KCNC1: variants seen among roughly 807,000 people sequenced by gnomAD.
The protein encoded by KCNC1 is voltage-gated potassium channel KCNC1.
In KCNC1, 8 loss-of-function variants were observed where a neutral mutation model predicts 43.4. The observed-to-expected ratio is 0.18, with a 90% CI of 0.11 to 0.33. The LOEUF (loss-of-function observed/expected upper bound fraction) is 0.33, where lower values mean the gene tolerates loss of function less well. Ranked by LOEUF, KCNC1 falls within the 10% of genes least tolerant of loss-of-function variation. The probability of loss-of-function intolerance (pLI) is 1.00; values close to 1 mark genes in which losing one functional copy is unlikely to be tolerated. For synonymous variants in KCNC1, 361 were observed against 360.5 expected (o/e 1.00, Z -0.01); for missense variants, 420 against 836.0 (o/e 0.50, Z 6.14).
At chr11:17,746,978 A>C (rs1848906530) in intron 1 of KCNC1, among the ~76,000 whole-genome samples, 1 of 152,154 alleles carries the variant, frequency 6.6e-6, no homozygotes, top group South Asian at 2.1e-4. Context: ...AGAACATAGT[A>C]AGTGCTTAAT....
In KCNC1 at chr11:17,779,392, T is replaced by G; in HGVS notation, c.1505-64T>G. The stretch of plus-strand genomic sequence containing the variant: ...CTGCCAATACCCCGCTTCTGGCCTG[T>G]CCCCCCCTGCCCCCCACTAAACAGT... On this transcript the variant is annotated intron_variant, in intron 2 of 3. Transcript: ENST00000265969. This position sits in a 1 kb window ranked among gnomAD's most constrained non-coding sequence, Gnocchi z 7.2. 1 of 1,333,908 alleles carries G rather than the reference T, an allele frequency of 7.5e-7. No individual in the cohort carries two copies. The highest frequency in any genetic ancestry group is 9.8e-7 in the Non-Finnish European group (1 of 1,016,204). 82.6% of individuals were successfully genotyped at this position (1,333,908 alleles called of 1,614,324 possible).
chr11:17,743,268 G>A (rs116396683), intron 1 of KCNC1, among the ~76,000 whole-genome samples: 2,495 of 152,302 alleles, frequency 0.016, 35 homozygotes, highest in Non-Finnish European at 0.02. Context: ...TCTGTCTGAC[G>A]CTGGAGCTCT....
chr11:17,758,018 G>A (rs758137548), intron 1 of KCNC1, among the ~76,000 whole-genome samples: 1 of 152,206 alleles, frequency 6.6e-6, no homozygotes, highest in Non-Finnish European at 1.5e-5. Context: ...TGTAGCATGT[G>A]ATGCTGTTTG....
intron 1 of KCNC1, among the ~76,000 whole-genome samples, chr11:17,750,655 C>T (rs978973348): frequency 2.0e-5 from 3 of 152,188 alleles, no homozygotes; most frequent in African/African-American, 7.2e-5. Context: ...ACCCTGGGCC[C>T]CAATGTGCAT....
At chr11:17,748,548 A>G (rs1848928553) in intron 1 of KCNC1, among the ~76,000 whole-genome samples, 1 of 152,200 alleles carries the variant, frequency 6.6e-6, no homozygotes, top group South Asian at 2.1e-4. Context: ...ACCCACCATT[A>G]TGCATGTAAT....
chr11:17,751,821 ACC>A (rs1848971783), intron 1 of KCNC1, among the ~76,000 whole-genome samples: 1 of 152,110 alleles, frequency 6.6e-6, no homozygotes, highest in Admixed American at 6.5e-5. Flanking sequence ...TGCCCTTTGA[ACC>A]CTAGGCTGTG....
At chr11:17,758,987 C>T (rs1565158899) in intron 1 of KCNC1, among the ~76,000 whole-genome samples, 1 of 152,230 alleles carries the variant, frequency 6.6e-6, no homozygotes, top group Non-Finnish European at 1.5e-5. Context: ...CTTCTTCTCT[C>T]TAGCTATGAA....
rs767321731 is a variant in KCNC1 at position 17,772,631 on chromosome 11, C to G, written c.1504+33C>G. On this transcript the variant is annotated intron_variant, in intron 2 of 3. Coordinates refer to ENST00000265969, the MANE Select transcript of KCNC1 (RefSeq NM_001112741.2). ...ACCTCTTAGAGGCATGTCGATCTGA[C>G]CTTTCACCTCTGCCCCCTGTAGCGA... 10 of 1,602,276 alleles carry G rather than the reference C, an allele frequency of 6.2e-6. No homozygotes were observed. In the South Asian group the frequency reaches 1.1e-4, roughly 18 times the overall value.
chr11:17,763,495 C>A (rs952512866), intron 1 of KCNC1, among the ~76,000 whole-genome samples: 2 of 151,560 alleles, frequency 1.3e-5, no homozygotes, highest in South Asian at 2.1e-4. Context: ...GCACTGCCCC[C>A]CACACACACT....
At position 17,735,036 on chromosome 11, in the gene KCNC1, C is replaced by G. The variant is rs1372090058; in HGVS notation, c.-967C>G. ...GGGCGCAGAGGCACCGGAGCCAGTGCCCGCCGGCCCCGCAAATCAAACCCA... is the reference window on the plus strand; with the variant it reads ...GGGCGCAGAGGCACCGGAGCCAGTGGCCGCCGGCCCCGCAAATCAAACCCA... On this transcript the variant is annotated 5_prime_UTR_variant, in exon 1 of 4. Coordinates refer to ENST00000265969, the MANE Select transcript of KCNC1 (RefSeq NM_001112741.2). The surrounding 1 kb of genome is among the most constrained non-coding windows in gnomAD (Gnocchi z 6.7). The G allele has an allele frequency of 5.3e-5, 8 of 151,942 alleles. No individual in the cohort carries two copies. Among genetic ancestry groups the G allele is most frequent in the Non-Finnish European group, 4.4e-5 (3 of 67,956 alleles). 9.4% of individuals were successfully genotyped at this position (151,942 alleles called of 1,614,324 possible).
rs1263589943 is a variant in KCNC1, at chr11:17,771,658, C to T, written c.571-7C>T. The T allele has an allele frequency of 1.3e-6, 2 of 1,598,864 alleles. No homozygotes were observed. The highest frequency in any genetic ancestry group is 1.3e-5 in the African/African-American group (1 of 74,664). On this transcript the variant is annotated splice_polypyrimidine_tract_variant and splice_region_variant and intron_variant, in intron 1 of 3. Coordinates refer to ENST00000265969, the MANE Select transcript of KCNC1 (RefSeq NM_001112741.2). The surrounding 1 kb of genome is among the most constrained non-coding windows in gnomAD (Gnocchi z 4.7). Reference sequence around the variant, plus strand: ...CTCCCTCTGACACTGTGTCTTTATCCCCACAGTATGTGGCCTTCGCTTCCC... The same window carrying T: ...CTCCCTCTGACACTGTGTCTTTATCTCCACAGTATGTGGCCTTCGCTTCCC...
intron 1 of KCNC1, among the ~76,000 whole-genome samples, chr11:17,744,891 G>T (rs1212921517): frequency 2.0e-5 from 3 of 152,108 alleles, no homozygotes; most frequent in African/African-American, 7.2e-5. Context: ...TTAGATCAGG[G>T]AGGGGGAGAA....
chr11:17,755,398 A>G (rs1565158042), intron 1 of KCNC1, among the ~76,000 whole-genome samples: 1 of 152,206 alleles, frequency 6.6e-6, no homozygotes, highest in Admixed American at 6.5e-5. Context: ...TGTTGAAAAC[A>G]GTCCTAGCGC....
chr11:17,753,919 A>G (rs1848996979), intron 1 of KCNC1, among the ~76,000 whole-genome samples: 1 of 152,126 alleles, frequency 6.6e-6, no homozygotes, highest in African/African-American at 2.4e-5. Flanking sequence ...CGTAGACAGG[A>G]CTCAGGCTGT....
rs184606581 is a variant in KCNC1, at chr11:17,766,363, G to A, written c.571-5302G>A. Among the ~76,000 whole-genome samples the A allele has an allele frequency of 3.7e-4, 57 of 152,272 alleles. 2 individuals carry two copies. In the South Asian group the frequency reaches 8.3e-3, roughly 22 times the overall value. On this transcript the variant is annotated intron_variant, in intron 1 of 3. Transcript: ENST00000265969. ...GTAATGGATGAGACATGTGCTCTGC[G>A]TCACTGTGTGTGTTTGTGGTCTGTG... is the stretch of plus-strand genomic sequence containing the variant.
intron 1 of KCNC1, among the ~76,000 whole-genome samples, chr11:17,754,325 T>C (rs973650495): frequency 1.3e-5 from 2 of 152,202 alleles, no homozygotes; most frequent in African/African-American, 4.8e-5. Flanking sequence ...CACAGATTGG[T>C]GTATGGAGAT....
chr11:17,777,601 C>T lies in KCNC1; in HGVS notation c.1505-1855C>T, dbSNP rs1849300676. The T allele has an allele frequency of 2.0e-6, 2 of 985,910 alleles. No individual in the cohort carries two copies. Among genetic ancestry groups the T allele is most frequent in the South Asian group, 9.4e-5 (2 of 21,278 alleles). 61.1% of individuals were successfully genotyped at this position (985,910 alleles called of 1,614,324 possible). A position where few individuals can be genotyped will look rare whatever the true frequency, so the allele number is the denominator to read the frequency against. ...TGCCTGCAGACATGCCCCAAGACCC[C>T]AGAGACGCCCCGGCCCCAGTCACAT... On this transcript the variant is annotated intron_variant, in intron 2 of 3. Coordinates refer to ENST00000265969, the MANE Select transcript of KCNC1 (RefSeq NM_001112741.2). The surrounding 1 kb of genome is among the most constrained non-coding windows in gnomAD (Gnocchi z 4.3).
rs968989016 is a variant in KCNC1 at position 17,773,072 on chromosome 11, G to A, written c.1504+474G>A. 1 of 1,005,956 alleles carries A rather than the reference G, an allele frequency of 9.9e-7. No homozygotes were observed. The highest frequency in any genetic ancestry group is 1.0e-4 in the East Asian group (1 of 9,856). 62.3% of individuals were successfully genotyped at this position (1,005,956 alleles called of 1,614,324 possible). ...TGTGTAGATGGCAGAGATGGTGCAT[G>A]GGATCTGGGCAGGAGGGTCCCTTGC... On this transcript the variant is annotated intron_variant, in intron 2 of 3. Transcript: ENST00000265969. This position sits in a 1 kb window ranked among gnomAD's most constrained non-coding sequence, Gnocchi z 4.1.
At chr11:17,765,646 A>G (rs990027825) in intron 1 of KCNC1, among the ~76,000 whole-genome samples, 1 of 152,172 alleles carries the variant, frequency 6.6e-6, no homozygotes, top group Admixed American at 6.5e-5. Context: ...AAGGCCAGAA[A>G]CTACCAGTTT....
Sources: allele counts gnomAD v4.1 joint callset (sites outside exome capture counted in the v4.1 genomes callset), GRCh38; gene constraint gnomAD v4.1.1; non-coding constraint Gnocchi (gnomAD v3.1); transcripts MANE v1.5; gene names NCBI Gene and HGNC (gene_info 2026-07-23, HGNC 2026-07-21).